Variants in UVRAG observed in about 807,000 individuals in gnomAD.
UVRAG encodes the protein UV radiation resistance-associated gene protein.
UVRAG carries 19 observed loss-of-function variants against 78.0 expected under a neutral mutation model. The observed-to-expected ratio is 0.24, with a 90% CI of 0.17 to 0.36. The LOEUF (loss-of-function observed/expected upper bound fraction) is 0.36. UVRAG is among the 10% of genes least tolerant of loss of function. The probability of loss-of-function intolerance (pLI) is 1.00; values close to 1 mark genes in which losing one functional copy is unlikely to be tolerated. For missense variants in UVRAG, 740 were observed against 853.8 expected, an observed-to-expected ratio of 0.87 and a Z score of 1.66; for synonymous variants, 323 against 324.6, an observed-to-expected ratio of 1.00 and a Z score of 0.05.
intron 14 of UVRAG, among the ~76,000 whole-genome samples, chr11:76,133,958 CT>C (rs146371592): frequency 9.0e-4 from 120 of 132,854 alleles, no homozygotes; most frequent in East Asian, 2.3e-3. Context: ...TTTTTCTTTT[CT>C]TTTTTTTTTT....
intron 6 of UVRAG, among the ~76,000 whole-genome samples, chr11:75,915,541 T>C (rs1357277910): frequency 6.6e-6 from 1 of 152,226 alleles, no homozygotes; most frequent in Non-Finnish European, 1.5e-5. Context: ...TTTAGGGTGC[T>C]CACCACAAGG....
chr11:75,899,972 A>T (rs545306630), intron 5 of UVRAG, among the ~76,000 whole-genome samples: 16 of 152,212 alleles, frequency 1.1e-4, no homozygotes, highest in Middle Eastern at 3.4e-3. Flanking sequence ...TGTAATTCAT[A>T]TTTATAAACC....
intron 9 of UVRAG, among the ~76,000 whole-genome samples, chr11:76,004,940 T>C (rs1314699462): frequency 6.6e-6 from 1 of 152,234 alleles, no homozygotes; most frequent in Non-Finnish European, 1.5e-5. Flanking sequence ...TTCCAACATA[T>C]GCTTAATTCG....
chr11:76,046,477 A>G (rs891924310), intron 12 of UVRAG, among the ~76,000 whole-genome samples: 1 of 152,222 alleles, frequency 6.6e-6, no homozygotes, highest in Non-Finnish European at 1.5e-5. Flanking sequence ...AATTTAGCAA[A>G]TGAAAAAACT....
Position 75,851,397 on chromosome 11 carries a change from T to G in UVRAG, c.118-486T>G, listed in dbSNP as rs1381031962. 2.0e-5 allele frequency among the ~76,000 whole-genome samples: 3 copies of G among 152,312 alleles called. No individual in the cohort carries two copies. The East Asian group carries it at 5.8e-4, about 29-fold the overall frequency. ...GGATGGAGTGACCAGTGAGTCACTATTTTTATTTTTTGGCTGTGGCCTTGT... is the reference window on the plus strand; with the variant it reads ...GGATGGAGTGACCAGTGAGTCACTAGTTTTATTTTTTGGCTGTGGCCTTGT... On this transcript the variant is annotated intron_variant, in intron 1 of 14. Transcript: ENST00000356136.
At chr11:75,955,888 A>G (rs1299051958) in intron 6 of UVRAG, among the ~76,000 whole-genome samples, 1 of 152,208 alleles carries the variant, frequency 6.6e-6, no homozygotes, top group Non-Finnish European at 1.5e-5. Context: ...ACCACCATCT[A>G]GAAAAATAAA....
At chr11:76,116,555 G>T (rs1361818160) in intron 14 of UVRAG, among the ~76,000 whole-genome samples, 4 of 152,206 alleles carry the variant, frequency 2.6e-5, no homozygotes, top group African/African-American at 7.2e-5. Context: ...GCTCCGTCAG[G>T]ATAGACATGG....
intron 12 of UVRAG, among the ~76,000 whole-genome samples, chr11:76,038,032 T>G (rs183707709): frequency 7.2e-4 from 109 of 152,314 alleles, no homozygotes; most frequent in African/African-American, 2.6e-3. Flanking sequence ...TAGGAATTCT[T>G]TAATTAGAAA....
intron 12 of UVRAG, among the ~76,000 whole-genome samples, chr11:76,057,668 G>C (rs1951008007): frequency 6.6e-6 from 1 of 151,748 alleles, no homozygotes; most frequent in Non-Finnish European, 1.5e-5. Flanking sequence ...ACCATCAACA[G>C]TTAAAACTTC....
intron 7 of UVRAG, among the ~76,000 whole-genome samples, chr11:75,974,248 A>G (rs1949184658): frequency 6.6e-6 from 1 of 151,820 alleles, no homozygotes; most frequent in East Asian, 1.9e-4. Context: ...TCTCTATTCT[A>G]ACTGGTGTGA....
chr11:75,973,045 A>G (rs1388949831), intron 7 of UVRAG, among the ~76,000 whole-genome samples: 1 of 152,016 alleles, frequency 6.6e-6, no homozygotes, highest in Non-Finnish European at 1.5e-5. Flanking sequence ...TTCTTGTCTT[A>G]TTTCATTAGC....
chr11:75,965,211 A>G (rs1027957784), intron 7 of UVRAG, among the ~76,000 whole-genome samples: 1 of 152,240 alleles, frequency 6.6e-6, no homozygotes, highest in African/African-American at 2.4e-5. Context: ...TGGGTCCTTC[A>G]ATCCGTGAAC....
At chr11:75,988,243 T>C (rs976386829) in intron 8 of UVRAG, among the ~76,000 whole-genome samples, 1 of 152,244 alleles carries the variant, frequency 6.6e-6, no homozygotes, top group Non-Finnish European at 1.5e-5. Flanking sequence ...TCTATCATTG[T>C]AAACAGCTTT....
At chr11:76,084,937 G>A (rs1164966291) in intron 13 of UVRAG, among the ~76,000 whole-genome samples, 2 of 151,654 alleles carry the variant, frequency 1.3e-5, no homozygotes, top group Non-Finnish European at 1.5e-5. Flanking sequence ...GGTGGCGGGT[G>A]CCTGTAATCC....
rs1947939337 is a variant in UVRAG, at chr11:75,919,998, A to G, written c.593+7959A>G. ...GGTTTTCAATCAAAATTTAAAATAAAATAATTTTGGTTTTTTTTTTTTTTT... is the reference window on the plus strand; with the variant it reads ...GGTTTTCAATCAAAATTTAAAATAAGATAATTTTGGTTTTTTTTTTTTTTT... On this transcript the variant is annotated intron_variant, in intron 6 of 14. Coordinates refer to ENST00000356136, the MANE Select transcript of UVRAG (RefSeq NM_003369.4). Among the ~76,000 whole-genome samples the G allele has an allele frequency of 1.4e-5, 2 of 146,356 alleles. 1 individual carries two copies. Among genetic ancestry groups the G allele is most frequent in the South Asian group, 4.3e-4 (2 of 4,640 alleles).
chr11:76,097,075 G>T (rs1465790238), intron 13 of UVRAG, among the ~76,000 whole-genome samples: 3 of 152,172 alleles, frequency 2.0e-5, no homozygotes, highest in Non-Finnish European at 4.4e-5. Flanking sequence ...AGATGGTGAT[G>T]GAGGTGGAGA....
chr11:76,042,673 G>A (rs1302743294), intron 12 of UVRAG, among the ~76,000 whole-genome samples: 1 of 152,204 alleles, frequency 6.6e-6, no homozygotes, highest in Non-Finnish European at 1.5e-5. Flanking sequence ...AGACAGACAC[G>A]TGGCTGTGAT....
chr11:75,939,879 A>G (rs1948448164), intron 6 of UVRAG, among the ~76,000 whole-genome samples: 1 of 152,220 alleles, frequency 6.6e-6, no homozygotes, highest in South Asian at 2.1e-4. Flanking sequence ...AACTGCAACA[A>G]AACTGCCAAT....
intron 3 of UVRAG, among the ~76,000 whole-genome samples, chr11:75,877,512 ACCC>A (rs529218162): frequency 2.2e-5 from 2 of 90,474 alleles, no homozygotes; most frequent in South Asian, 4.2e-4. Context: ...GCGGGGGGTG[ACCC>A]CCCCCACCTC....
Sources: allele counts gnomAD v4.1 joint callset (sites outside exome capture counted in the v4.1 genomes callset), GRCh38; gene constraint gnomAD v4.1.1; transcripts MANE v1.5; gene names NCBI Gene and HGNC (gene_info 2026-07-23, HGNC 2026-07-21).